Variants in DPY19L3 observed in about 807,000 individuals in gnomAD.
DPY19L3 encodes the protein protein C-mannosyl-transferase DPY19L3.
DPY19L3 carries 51 observed loss-of-function variants against 92.3 expected under a neutral mutation model. That is an observed-to-expected ratio of 0.55 (90% CI 0.44 to 0.70). The LOEUF is 0.70. Ranked by LOEUF, DPY19L3 falls within the 30% of genes least tolerant of loss-of-function variation. DPY19L3 has a pLI of 0.00. For missense variants in DPY19L3, 706 were observed against 855.9 expected (o/e 0.82, Z 2.18); for synonymous variants, 309 against 315.2 (o/e 0.98, Z 0.21).
At chr19:32,449,654 A>G (rs1353515367) in intron 8 of DPY19L3, among the ~76,000 whole-genome samples, 1 of 152,212 alleles carries the variant, frequency 6.6e-6, no homozygotes, top group Non-Finnish European at 1.5e-5. Flanking sequence ...AAGGGTGTGA[A>G]GATAACTAAA....
In DPY19L3 at chr19:32,484,200, A is replaced by G. The variant is rs1222900905; in HGVS notation, c.*1960A>G. 1 of 152,594 alleles carries G rather than the reference A, an allele frequency of 6.6e-6. No individual in the cohort carries two copies. Among genetic ancestry groups the G allele is most frequent in the East Asian group, 1.9e-4 (1 of 5,188 alleles). The allele number at this position is 152,594 out of a possible 1,614,324, so 9.5% of individuals were successfully genotyped here. A position where few individuals can be genotyped will look rare whatever the true frequency, so the allele number is the denominator to read the frequency against. On this transcript the variant is annotated 3_prime_UTR_variant, in exon 19 of 19. Transcript: ENST00000392250. ...CTTCAGTGAAAAATATAAAGTGCCA[A>G]AAAAATCTTGCAAGACAGAATCCAT...
chr19:32,459,029 A>G (rs1969957898), intron 12 of DPY19L3, among the ~76,000 whole-genome samples: 1 of 152,046 alleles, frequency 6.6e-6, no homozygotes, highest in Non-Finnish European at 1.5e-5. Flanking sequence ...TTGAAATGTA[A>G]GAGTTAATTA....
At chr19:32,446,088 A>G (rs1356873861) in intron 8 of DPY19L3, among the ~76,000 whole-genome samples, 1 of 152,208 alleles carries the variant, frequency 6.6e-6, no homozygotes, top group Non-Finnish European at 1.5e-5. Context: ...ATACTTTAAC[A>G]ATATAAATGG....
chr19:32,472,279 A>C (rs1434491059), intron 16 of DPY19L3, among the ~76,000 whole-genome samples: 7 of 152,102 alleles, frequency 4.6e-5, no homozygotes, highest in Admixed American at 4.6e-4. Flanking sequence ...TCTTTTTTAC[A>C]AGGATGGTGT....
chr19:32,428,716 G>C (rs1488889484), intron 3 of DPY19L3, among the ~76,000 whole-genome samples: 3 of 152,186 alleles, frequency 2.0e-5, no homozygotes, highest in Non-Finnish European at 4.4e-5. Flanking sequence ...TTGTCTGAGT[G>C]CCTGTGGGGA....
chr19:32,453,089 C>T, intron 8 of DPY19L3, 56 bp from the exon 9 acceptor site: 2 of 1,599,576 alleles, frequency 1.3e-6, no homozygotes, highest in South Asian at 1.1e-5. Flanking sequence ...AACATGTCGA[C>T]ATGTGATGAT....
intron 15 of DPY19L3, among the ~76,000 whole-genome samples, chr19:32,466,927 CAG>C: frequency 6.6e-6 from 1 of 152,308 alleles, no homozygotes; most frequent in South Asian, 2.1e-4. Flanking sequence ...CCAGCTCTTA[CAG>C]ACTTACCTGT....
At chr19:32,444,045 AAAAG>A (rs1184029805) in intron 8 of DPY19L3, among the ~76,000 whole-genome samples, 71 of 151,954 alleles carry the variant, frequency 4.7e-4, no homozygotes, top group African/African-American at 1.6e-3. Context: ...AAAAAAAAAA[AAAAG>A]AAAAAAAAAT....
chr19:32,477,462 C>T, intron 16 of DPY19L3, 60 bp from the exon 17 acceptor site: 6 of 1,599,404 alleles, frequency 3.8e-6, no homozygotes, highest in Non-Finnish European at 5.1e-6. Context: ...ATATTGTCTT[C>T]TTTGTTGTCT....
intron 16 of DPY19L3, among the ~76,000 whole-genome samples, chr19:32,474,230 A>T (rs961283456): frequency 6.6e-6 from 1 of 152,274 alleles, no homozygotes; most frequent in Non-Finnish European, 1.5e-5. Context: ...AACACATTAA[A>T]TAGATTACAC....
At chr19:32,407,941 TAGCC>T (rs1289234088) in intron 1 of DPY19L3, among the ~76,000 whole-genome samples, 1 of 151,818 alleles carries the variant, frequency 6.6e-6, no homozygotes, top group Non-Finnish European at 1.5e-5. Context: ...AAAAAATAAT[TAGCC>T]AGGTGTAGTA....
At chr19:32,407,264 T>TCCCCCCCC (rs148363125) in intron 1 of DPY19L3, among the ~76,000 whole-genome samples, 2 of 81,316 alleles carry the variant, frequency 2.5e-5, no homozygotes, top group Non-Finnish European at 4.9e-5. Flanking sequence ...AGGCTCCTGC[T>TCCCCCCCC]CCCCCCCACC....
chr19:32,448,189 ACT>A (rs1969579808), intron 8 of DPY19L3, among the ~76,000 whole-genome samples: 1 of 152,130 alleles, frequency 6.6e-6, no homozygotes, highest in Non-Finnish European at 1.5e-5. Flanking sequence ...AAGAACACAG[ACT>A]CTACAACTAG....
Position 32,437,342 on chromosome 19 carries a change from G to T in DPY19L3, c.596+3G>T. 6.2e-7 allele frequency: 1 copy of T among 1,612,018 alleles called. No individual in the cohort carries two copies. The highest frequency in any genetic ancestry group is 8.5e-7 in the Non-Finnish European group (1 of 1,178,902). ...GCTTTCTGGTATGTCACAAATAGGT[G>T]AGTTGGAGTCAGTATGCTTCTTTTT... On this transcript the variant is annotated splice_donor_region_variant and intron_variant, in intron 6 of 18. Coordinates refer to ENST00000392250, the MANE Select transcript of DPY19L3 (RefSeq NM_001172774.2).
At chr19:32,440,000 G>A in intron 8 of DPY19L3, 90 bp downstream of exon 8, 2 of 1,509,342 alleles carry the variant, frequency 1.3e-6, no homozygotes, top group Non-Finnish European at 1.8e-6. Flanking sequence ...AGTACTTATG[G>A]ATAAAATTGA....
chr19:32,471,944 C>G (rs1970370177), intron 16 of DPY19L3, among the ~76,000 whole-genome samples: 1 of 152,088 alleles, frequency 6.6e-6, no homozygotes, highest in Non-Finnish European at 1.5e-5. Flanking sequence ...TAATATAGTT[C>G]AGCAGATGTT....
intron 8 of DPY19L3, among the ~76,000 whole-genome samples, chr19:32,448,392 A>T (rs1221987239): frequency 6.6e-6 from 1 of 152,210 alleles, no homozygotes; most frequent in Non-Finnish European, 1.5e-5. Flanking sequence ...CACAGGGGCT[A>T]CTGGTGCCGA....
chr19:32,448,031 C>T (rs1050862288), intron 8 of DPY19L3, among the ~76,000 whole-genome samples: 13 of 152,050 alleles, frequency 8.5e-5, no homozygotes, highest in African/African-American at 2.9e-4. Flanking sequence ...GATAGATACA[C>T]GAAAAGCCCA....
chr19:32,439,144 C>T lies in DPY19L3; in HGVS notation c.629C>T (p.Pro210Leu), dbSNP rs1425697291. The change falls in exon 7 of 19, where the codon CCA becomes CTA. Residue 210 changes from proline (P) to leucine (L), a missense_variant. Physicochemically the swap from Pro to Leu is moderately conservative, Grantham distance 98. Coordinates refer to ENST00000392250, the MANE Select transcript of DPY19L3 (RefSeq NM_001172774.2). ...IDTTRVEFTI[P>L]LRENWALPFF... The stretch of plus-strand genomic sequence containing the variant: ...ACCACAAGAGTTGAGTTTACCATCC[C>T]ACTGAGGGAGAACTGGGCGCTGCCA... 1 of 1,613,374 alleles carries T rather than the reference C, an allele frequency of 6.2e-7. No individual in the cohort carries two copies. The highest frequency in any genetic ancestry group is 8.5e-7 in the Non-Finnish European group (1 of 1,179,480).
Sources: gnomAD v4.1 joint callset for allele counts (sites outside exome capture counted in the v4.1 genomes callset) on GRCh38, gnomAD v4.1.1 for gene constraint, MANE v1.5 for transcripts, NCBI Gene and HGNC (gene_info 2026-07-23, HGNC 2026-07-21) for gene names.